Variants in ADCYAP1R1 observed in about 807,000 individuals in gnomAD.
ADCYAP1R1 encodes pituitary adenylate cyclase-activating polypeptide type I receptor.
In ADCYAP1R1, 44 loss-of-function variants were observed where a neutral mutation model predicts 67.6. That is an observed-to-expected ratio of 0.65 (90% CI 0.51 to 0.84). ADCYAP1R1 has a LOEUF of 0.84. Among genes scored for constraint, ADCYAP1R1 ranks in the 40% least tolerant of loss-of-function variants. ADCYAP1R1 has a pLI of 0.00. For synonymous variants in ADCYAP1R1, 222 were observed against 219.6 expected (o/e 1.01, Z -0.10); for missense variants, 477 against 587.9 (o/e 0.81, Z 1.95).
intron 6 of ADCYAP1R1, 81 bp from the exon 7 acceptor site, chr7:31,084,060 C>T: frequency 8.0e-7 from 1 of 1,255,002 alleles, no homozygotes; most frequent in South Asian, 1.3e-5. Context: ...GGAATTCCCA[C>T]TGAATACGTA....
intron 1 of ADCYAP1R1, among the ~76,000 whole-genome samples, chr7:31,059,748 G>A (rs557077742): frequency 6.6e-6 from 1 of 152,204 alleles, no homozygotes; most frequent in African/African-American, 2.4e-5. Context: ...TGTCCAGTTG[G>A]GGGCAGTGCA....
rs752918499 is a variant in ADCYAP1R1, at chr7:31,103,248, G to A, written c.1058G>A (p.Arg353Gln). The stretch of plus-strand genomic sequence containing the variant: ...CTTTCCTCCGACAGGCGACTGGCCC[G>A]GTCCACCCTGCTGCTCATCCCACTA... ...NESSIYLRLARSTLLLIPLFG... is the reference protein window; with the variant it reads ...NESSIYLRLAQSTLLLIPLFG... Residue 353 changes from arginine to glutamine, a missense_variant, in exon 14 of 16, where the codon CGG becomes CAG. Arg to Gln is a conservative substitution (Grantham distance 43). Coordinates refer to ENST00000304166, the MANE Select transcript of ADCYAP1R1 (RefSeq NM_001118.5). 3 of 1,613,986 alleles carry A rather than the reference G, an allele frequency of 1.9e-6. No homozygotes were observed. The highest frequency in any genetic ancestry group is 1.1e-5 in the South Asian group (1 of 91,054).
Position 31,106,768 on chromosome 7 carries a change from C to A in ADCYAP1R1, c.*84C>A. 1 of 1,440,124 alleles carries A rather than the reference C, an allele frequency of 6.9e-7. No individual in the cohort carries two copies. 89.2% of individuals were successfully genotyped at this position (1,440,124 alleles called of 1,614,324 possible). On this transcript the variant is annotated 3_prime_UTR_variant, in exon 16 of 16. Transcript: ENST00000304166. ...CAGCCCACGCATGTTTGCGCCTCTT[C>A]CCTCCCCTTGGGCAGGCCCTGGGCT...
At chr7:31,079,043 A>G (rs1408344899) in intron 4 of ADCYAP1R1, among the ~76,000 whole-genome samples, 2 of 152,168 alleles carry the variant, frequency 1.3e-5, no homozygotes, top group Admixed American at 1.3e-4. Flanking sequence ...AGCTTTGTGC[A>G]CAGGTGGGAT....
At position 31,052,673 on chromosome 7, in the gene ADCYAP1R1, G is replaced by A. The variant is rs1469073578; in HGVS notation, c.-77G>A. 6.6e-6 allele frequency: 1 copy of A among 152,136 alleles called. No homozygotes were observed. The highest frequency in any genetic ancestry group is 1.5e-5 in the Non-Finnish European group (1 of 68,092). 9.4% of individuals were successfully genotyped at this position (152,136 alleles called of 1,614,324 possible). On this transcript the variant is annotated 5_prime_UTR_variant, in exon 1 of 16. Coordinates refer to ENST00000304166, the MANE Select transcript of ADCYAP1R1 (RefSeq NM_001118.5). The stretch of plus-strand genomic sequence containing the variant: ...CGGCCCCACGGACAGGCCCCGCAGT[G>A]AGCAGGTAAGGGTCGCCCCGCCGCG...
At chr7:31,064,061 G>A (rs1394066970) in intron 2 of ADCYAP1R1, among the ~76,000 whole-genome samples, 2 of 152,212 alleles carry the variant, frequency 1.3e-5, no homozygotes, top group Non-Finnish European at 2.9e-5. Context: ...CAGTGCATGG[G>A]CTGTGAAGTT....
At chr7:31,085,464 A>G in intron 9 of ADCYAP1R1, 22 bp downstream of exon 9, 1 of 1,608,520 alleles carries the variant, frequency 6.2e-7, no homozygotes, top group Non-Finnish European at 8.5e-7. Flanking sequence ...AAGCAGACCC[A>G]TTAGGGCTCT....
At chr7:31,064,797 C>A in intron 2 of ADCYAP1R1, 34 bp from the exon 3 acceptor site, 1 of 1,559,568 alleles carries the variant, frequency 6.4e-7, no homozygotes, top group Admixed American at 1.8e-5. Flanking sequence ...GGCCTCCTAC[C>A]CGCTCCCACC....
intron 13 of ADCYAP1R1, among the ~76,000 whole-genome samples, chr7:31,098,716 G>GGC (rs1796315115): frequency 1.2e-5 from 1 of 86,734 alleles, no homozygotes; most frequent in Admixed American, 1.4e-4. Flanking sequence ...GGGGGGGGGG[G>GGC]GGACCTGGGC....
At position 31,100,084 on chromosome 7, in the gene ADCYAP1R1, G is replaced by A. The variant is rs1172884924; in HGVS notation, c.1047-3153G>A. 4 of 1,532,136 alleles carry A rather than the reference G, an allele frequency of 2.6e-6. No homozygotes were observed. In the East Asian group the frequency reaches 9.8e-5, roughly 38 times the overall value. The allele number at this position is 1,532,136 out of a possible 1,614,324, so 94.9% of individuals were successfully genotyped here. On this transcript the variant is annotated intron_variant, in intron 13 of 15. Coordinates refer to ENST00000304166, the MANE Select transcript of ADCYAP1R1 (RefSeq NM_001118.5). Reference sequence around the variant, plus strand: ...TGTAAACTGAGTTTCTTCACTGCCTGGTGCCCCCCAGCTGACAGAAGTGCT... The same window carrying A: ...TGTAAACTGAGTTTCTTCACTGCCTAGTGCCCCCCAGCTGACAGAAGTGCT...
At chr7:31,095,539 G>T in intron 13 of ADCYAP1R1, 1 of 697,088 alleles carries the variant, frequency 1.4e-6, no homozygotes. Flanking sequence ...AGAGGGCAGT[G>T]AATGGGGGGA....
At chr7:31,106,276 C>G (rs896387141) in intron 15 of ADCYAP1R1, among the ~76,000 whole-genome samples, 4 of 152,188 alleles carry the variant, frequency 2.6e-5, no homozygotes, top group African/African-American at 9.6e-5. Context: ...CAGAAAGTGG[C>G]AAGGGAAGGG....
At chr7:31,059,710 G>A (rs1014663934) in intron 1 of ADCYAP1R1, among the ~76,000 whole-genome samples, 1 of 152,172 alleles carries the variant, frequency 6.6e-6, no homozygotes, top group African/African-American at 2.4e-5. Flanking sequence ...TTTGGGGCAG[G>A]CAGCCTAAGT....
At chr7:31,101,709 C>G (rs1796444708) in intron 13 of ADCYAP1R1, among the ~76,000 whole-genome samples, 1 of 152,198 alleles carries the variant, frequency 6.6e-6, no homozygotes, top group Admixed American at 6.5e-5. Context: ...TCAAAGTAGG[C>G]CTGTGTGCCA....
At chr7:31,105,072 GT>G (rs1200336149) in intron 15 of ADCYAP1R1, among the ~76,000 whole-genome samples, 163 bp downstream of exon 15, 4 of 152,170 alleles carry the variant, frequency 2.6e-5, no homozygotes, top group African/African-American at 4.8e-5. Context: ...CTGGCATTGT[GT>G]GGTGCCAGGA....
intron 13 of ADCYAP1R1, among the ~76,000 whole-genome samples, chr7:31,094,803 C>T (rs146716502): frequency 2.0e-5 from 3 of 152,086 alleles, no homozygotes; most frequent in African/African-American, 7.2e-5. Context: ...ATGGTTTATA[C>T]ATTTAAGTAC....
chr7:31,082,032 G>A (rs1795536206), intron 6 of ADCYAP1R1, among the ~76,000 whole-genome samples: 1 of 152,218 alleles, frequency 6.6e-6, no homozygotes. Context: ...ATCCTTGACT[G>A]TTTCTGAACT....
rs556240832 is a variant in ADCYAP1R1, at chr7:31,094,923, C to T, written c.1046+2188C>T. Among the ~76,000 whole-genome samples, 330 of 151,950 alleles carry T rather than the reference C, an allele frequency of 2.2e-3. 1 individual carries two copies. Among genetic ancestry groups the T allele is most frequent in the Non-Finnish European group, 3.6e-3 (245 of 67,966 alleles). Reference sequence around the variant, plus strand: ...CTTTTTTTTTTAGAGAAAGTCAAACCTCTGCTAGTCTTGAGTGCCCATGAT... The same window carrying T: ...CTTTTTTTTTTAGAGAAAGTCAAACTTCTGCTAGTCTTGAGTGCCCATGAT... On this transcript the variant is annotated intron_variant, in intron 13 of 15. Coordinates refer to ENST00000304166, the MANE Select transcript of ADCYAP1R1 (RefSeq NM_001118.5).
At chr7:31,104,780 G>A in intron 14 of ADCYAP1R1, 88 bp from the exon 15 acceptor site, 1 of 1,455,306 alleles carries the variant, frequency 6.9e-7, no homozygotes, top group Non-Finnish European at 9.6e-7. Flanking sequence ...GTGTATTTCT[G>A]CTTCCTAGAG....
Sources: allele counts gnomAD v4.1 joint callset (sites outside exome capture counted in the v4.1 genomes callset), GRCh38; gene constraint gnomAD v4.1.1; transcripts MANE v1.5; gene names NCBI Gene and HGNC (gene_info 2026-07-23, HGNC 2026-07-21).